Variants in KDM4C observed in about 807,000 individuals in gnomAD.
KDM4C encodes the protein lysine demethylase 4C, also known as lysine-specific demethylase 4C.
Under a neutral mutation model 129.3 loss-of-function variants are expected in KDM4C, and 81 were observed. The observed-to-expected ratio is 0.63, with a 90% CI of 0.52 to 0.75. The LOEUF is 0.75. Among genes scored for constraint, KDM4C ranks in the 30% least tolerant of loss-of-function variants. KDM4C has a pLI of 0.00. For missense variants in KDM4C, 1,457 were observed against 1,304.0 expected, an observed-to-expected ratio of 1.12 and a Z score of -1.81; for synonymous variants, 573 against 456.1, an observed-to-expected ratio of 1.26 and a Z score of -3.26.
At chr9:7,165,200 C>T (rs371568559) in intron 19 of KDM4C, 38 bp from the exon 20 acceptor site, 43 of 1,609,442 alleles carry the variant, frequency 2.7e-5, no homozygotes, top group Non-Finnish European at 3.6e-5. Context: ...GTCACTTAGG[C>T]ACTCCTTTTG....
At position 6,888,066 on chromosome 9, in the gene KDM4C, A is replaced by G. The variant is rs756254713; in HGVS notation, c.783+3A>G. 1.4e-6 allele frequency: 2 copies of G among 1,438,962 alleles called. No homozygotes were observed. Among genetic ancestry groups the G allele is most frequent in the Non-Finnish European group, 9.7e-7 (1 of 1,030,030 alleles). 89.1% of individuals were successfully genotyped at this position (1,438,962 alleles called of 1,614,324 possible). ...AATATGGTATTCCCTTTGACAAGGTATGTTAGTATTCATCTTACACAAATT... is the reference window on the plus strand; with the variant it reads ...AATATGGTATTCCCTTTGACAAGGTGTGTTAGTATTCATCTTACACAAATT... On this transcript the variant is annotated splice_donor_region_variant and intron_variant, in intron 7 of 21. Coordinates refer to ENST00000381309, the MANE Select transcript of KDM4C (RefSeq NM_015061.6).
In KDM4C at chr9:6,887,458, A is replaced by G. The variant is rs138082819; in HGVS notation, c.680-502A>G. ...AAGTTCATTCAGGAGATTAGTAGCA[A>G]TTAGTTTCAGATTAATCAGAAAAGA... On this transcript the variant is annotated intron_variant, in intron 6 of 21. Coordinates refer to ENST00000381309, the MANE Select transcript of KDM4C (RefSeq NM_015061.6). Among the ~76,000 whole-genome samples, 337 of 152,348 alleles carry G rather than the reference A, an allele frequency of 2.2e-3. 1 individual carries two copies. Among genetic ancestry groups the G allele is most frequent in the Non-Finnish European group, 3.6e-3 (246 of 68,036 alleles).
chr9:7,072,159 G>A (rs1421931214), intron 17 of KDM4C, among the ~76,000 whole-genome samples: 2 of 152,160 alleles, frequency 1.3e-5, no homozygotes, highest in Non-Finnish European at 2.9e-5. Flanking sequence ...GTGTCAAGTA[G>A]TGATGCTGAC....
rs575929168 is a variant in KDM4C at position 6,897,187 on chromosome 9, T to A, written c.921+3955T>A. On this transcript the variant is annotated intron_variant, in intron 8 of 21. Transcript: ENST00000381309. ...TTTCACAGTATCCATCCAAACTGCC[T>A]CATCTCTCAAACAGACTTTTTTTGT... Among the ~76,000 whole-genome samples, 6 of 152,338 alleles carry A rather than the reference T, an allele frequency of 3.9e-5. No homozygotes were observed. The East Asian group carries it at 1.2e-3, about 29-fold the overall frequency.
intron 8 of KDM4C, among the ~76,000 whole-genome samples, chr9:6,897,411 C>G (rs1369339943): frequency 6.6e-6 from 1 of 152,206 alleles, no homozygotes; most frequent in African/African-American, 2.4e-5. Context: ...ATTCTGCTCT[C>G]TTGTCTTAAC....
At chr9:6,881,613 A>G (rs1326461991) in intron 6 of KDM4C, among the ~76,000 whole-genome samples, 1 of 152,258 alleles carries the variant, frequency 6.6e-6, no homozygotes, top group Non-Finnish European at 1.5e-5. Context: ...TTTCTGATAT[A>G]AACTTCTAAT....
chr9:6,785,385 G>A (rs1157434694), intron 1 of KDM4C, among the ~76,000 whole-genome samples: 1 of 149,952 alleles, frequency 6.7e-6, no homozygotes, highest in Non-Finnish European at 1.5e-5. Context: ...CACACAGGCT[G>A]GAGTGCAGTG....
chr9:7,028,294 G>A (rs994591010), intron 15 of KDM4C, among the ~76,000 whole-genome samples: 7 of 151,834 alleles, frequency 4.6e-5, no homozygotes, highest in African/African-American at 1.7e-4. Context: ...GGGCTGTTTA[G>A]TCAGCAGATG....
chr9:7,030,315 C>G (rs778425355), intron 15 of KDM4C, among the ~76,000 whole-genome samples: 3 of 152,136 alleles, frequency 2.0e-5, no homozygotes, highest in Non-Finnish European at 2.9e-5. Flanking sequence ...TGACTAATTA[C>G]ATGTCATTAT....
At chr9:7,159,421 T>C (rs1843539348) in intron 19 of KDM4C, among the ~76,000 whole-genome samples, 1 of 152,248 alleles carries the variant, frequency 6.6e-6, no homozygotes, top group Non-Finnish European at 1.5e-5. Context: ...AGTTTCTTCA[T>C]AGCATTGGTG....
rs908493997 is a variant in KDM4C, at chr9:7,174,760, G to A, written c.*31G>A. ...ATACATCGCTGCAGGCCACAGAGCA[G>A]CTTGGGTTGGAAGAGAGAAGATGAA... On this transcript the variant is annotated 3_prime_UTR_variant, in exon 22 of 22. Transcript: ENST00000381309. The A allele has an allele frequency of 1.9e-5, 30 of 1,597,018 alleles. No individual in the cohort carries two copies. Among genetic ancestry groups the A allele is most frequent in the Non-Finnish European group, 2.6e-5 (30 of 1,166,624 alleles).
At chr9:7,091,014 G>T (rs1835731656) in intron 17 of KDM4C, among the ~76,000 whole-genome samples, 2 of 152,128 alleles carry the variant, frequency 1.3e-5, no homozygotes. Flanking sequence ...TGGGCAGGTG[G>T]GCCAGGTTGT....
chr9:7,038,289 C>G (rs755375720), intron 15 of KDM4C, among the ~76,000 whole-genome samples: 11 of 152,066 alleles, frequency 7.2e-5, no homozygotes, highest in Non-Finnish European at 1.5e-4. Context: ...TTCCAACACT[C>G]TCAAAATCTC....
rs766960018 is a variant in KDM4C at position 7,011,895 on chromosome 9, A to G, written c.1968+16A>G. 18 of 1,605,424 alleles carry G rather than the reference A, an allele frequency of 1.1e-5. No individual in the cohort carries two copies. Among genetic ancestry groups the G allele is most frequent in the East Asian group, 1.1e-4 (5 of 44,804 alleles). On this transcript the variant is annotated intron_variant, in intron 13 of 21. Coordinates refer to ENST00000381309, the MANE Select transcript of KDM4C (RefSeq NM_015061.6). ...GTACCACAAGGTAAAGGAGCCTGCT[A>G]TCATAGTTCCCTTCACTGCTCTGCC...
At chr9:6,733,039 C>T (rs1817404769) in intron 1 of KDM4C, among the ~76,000 whole-genome samples, 1 of 152,086 alleles carries the variant, frequency 6.6e-6, no homozygotes, top group Admixed American at 6.6e-5. Flanking sequence ...AAAGTACCAC[C>T]ACGTGGTTAC....
At position 6,758,997 on chromosome 9, in the gene KDM4C, C is replaced by A. The variant is rs1036788692; in HGVS notation, c.-18+794C>A. ...CGCGTGGACTTGATGCTGGGCTCCCCCTTTGCTGCGCGGTGCAAGCCTGCG... is the reference window on the plus strand; with the variant it reads ...CGCGTGGACTTGATGCTGGGCTCCCACTTTGCTGCGCGGTGCAAGCCTGCG... On this transcript the variant is annotated intron_variant, in intron 1 of 21. Coordinates refer to ENST00000381309, the MANE Select transcript of KDM4C (RefSeq NM_015061.6). This position sits in a 1 kb window ranked among gnomAD's most constrained non-coding sequence, Gnocchi z 4.6. 6.6e-6 allele frequency among the ~76,000 whole-genome samples: 1 copy of A among 151,250 alleles called. No homozygotes were observed. Among genetic ancestry groups the A allele is most frequent in the Non-Finnish European group, 1.5e-5 (1 of 68,016 alleles).
At chr9:6,822,703 G>C (rs1355495070) in intron 4 of KDM4C, among the ~76,000 whole-genome samples, 1 of 152,156 alleles carries the variant, frequency 6.6e-6, no homozygotes, top group East Asian at 1.9e-4. Flanking sequence ...CGCAGCACAG[G>C]AGTTTCTTCG....
At chr9:6,743,439 T>C (rs1817769598) in intron 1 of KDM4C, among the ~76,000 whole-genome samples, 1 of 152,136 alleles carries the variant, frequency 6.6e-6, no homozygotes, top group Non-Finnish European at 1.5e-5. Context: ...CTCACAGTTA[T>C]CTTATGTTGT....
intron 8 of KDM4C, among the ~76,000 whole-genome samples, chr9:6,974,586 G>C (rs1832621032): frequency 6.6e-6 from 1 of 152,168 alleles, no homozygotes; most frequent in Non-Finnish European, 1.5e-5. Flanking sequence ...TCAAACTCCT[G>C]ACCTCAGGTG....
Sources: allele counts gnomAD v4.1 joint callset (sites outside exome capture counted in the v4.1 genomes callset), GRCh38; gene constraint gnomAD v4.1.1; non-coding constraint Gnocchi (gnomAD v3.1); transcripts MANE v1.5; gene names NCBI Gene and HGNC (gene_info 2026-07-23, HGNC 2026-07-21).